Variants in EBF3 observed in about 807,000 individuals in gnomAD.
The protein encoded by EBF3 is transcription factor COE3.
EBF3 carries 18 observed loss-of-function variants against 77.1 expected under a neutral mutation model. The ratio of observed to expected loss-of-function variants is 0.23; its 90% CI spans 0.16 to 0.35. EBF3 has a LOEUF of 0.35. EBF3 is among the 10% of genes least tolerant of loss of function. The probability of loss-of-function intolerance (pLI) is 1.00; values close to 1 mark genes in which losing one functional copy is unlikely to be tolerated. For missense variants in EBF3, 558 were observed against 860.0 expected (o/e 0.65, Z 4.39); for synonymous variants, 350 against 343.5 (o/e 1.02, Z -0.21).
Position 129,930,329 on chromosome 10 carries a change from A to G in EBF3, c.554+26929T>C, listed in dbSNP as rs138905489. ...TAACAAATCCCCCTCTCATATATCT[A>G]TATCTATATCTGTCTATATCTATCT... On this transcript the variant is annotated intron_variant, in intron 6 of 16. Coordinates refer to ENST00000440978, the MANE Select transcript of EBF3 (RefSeq NM_001375380.1). Among the ~76,000 whole-genome samples the G allele has an allele frequency of 7.9e-3, 1,200 of 151,616 alleles. 56 individuals are homozygous for G. In the South Asian group the frequency reaches 0.12, roughly 15 times the overall value.
chr10:129,900,240 A>G (rs530635271), intron 6 of EBF3, among the ~76,000 whole-genome samples: 15 of 152,228 alleles, frequency 9.9e-5, no homozygotes, highest in Non-Finnish European at 1.8e-4. Flanking sequence ...CCATCCAAAC[A>G]GTGTCAGATG....
chr10:129,846,849 C>G (rs1488914438), intron 11 of EBF3, among the ~76,000 whole-genome samples: 1 of 151,454 alleles, frequency 6.6e-6, no homozygotes, highest in African/African-American at 2.4e-5. Context: ...TGTGGGCTAA[C>G]TGATCTGTCA....
rs974071461 is a variant in EBF3 at position 129,943,895 on chromosome 10, G to A, written c.554+13363C>T. ...GGCGCTGGCCTTCGGCGCAGACCCAGCTGAAACCGTAAAATGCTCGGTAAA... is the reference window on the plus strand; with the variant it reads ...GGCGCTGGCCTTCGGCGCAGACCCAACTGAAACCGTAAAATGCTCGGTAAA... On this transcript the variant is annotated intron_variant, in intron 6 of 16. Transcript: ENST00000440978. This position sits in a 1 kb window ranked among gnomAD's most constrained non-coding sequence, Gnocchi z 8.8. Among the ~76,000 whole-genome samples the A allele has an allele frequency of 1.3e-5, 2 of 152,220 alleles. No individual in the cohort carries two copies. Among genetic ancestry groups the A allele is most frequent in the African/African-American group, 4.8e-5 (2 of 41,452 alleles).
At chr10:129,894,820 G>A (rs1253616632) in intron 6 of EBF3, among the ~76,000 whole-genome samples, 1 of 152,200 alleles carries the variant, frequency 6.6e-6, no homozygotes, top group Admixed American at 6.5e-5. Flanking sequence ...GTAGGTAAAA[G>A]GCATCAAGAT....
At chr10:129,887,162 T>C (rs1334012) in intron 6 of EBF3, among the ~76,000 whole-genome samples, 77,701 of 150,716 alleles carry the variant, frequency 0.52, 21,513 homozygotes, top group African/African-American at 0.75. Flanking sequence ...CCCTCAGCCC[T>C]GGGCCTGCAA....
intron 11 of EBF3, chr10:129,845,437 TTTA>T (rs769365556): frequency 6.6e-6 from 1 of 152,232 alleles, no homozygotes; most frequent in African/African-American, 2.4e-5. Context: ...AATGTACAGT[TTTA>T]TTATTATGAG....
rs1372932645 is a variant in EBF3 at position 129,879,156 on chromosome 10, G to A, written c.555-1307C>T. Reference sequence around the variant, plus strand: ...TGAACTCAAAGAACCTGGGAAGCCAGGCTCTACCACTACCCACAGGAAAAG... The same window carrying A: ...TGAACTCAAAGAACCTGGGAAGCCAAGCTCTACCACTACCCACAGGAAAAG... On this transcript the variant is annotated intron_variant, in intron 6 of 16. Coordinates refer to ENST00000440978, the MANE Select transcript of EBF3 (RefSeq NM_001375380.1). This position sits in a 1 kb window ranked among gnomAD's most constrained non-coding sequence, Gnocchi z 4.7. Among the ~76,000 whole-genome samples, 1 of 152,112 alleles carries A rather than the reference G, an allele frequency of 6.6e-6. No homozygotes were observed. Among genetic ancestry groups the A allele is most frequent in the East Asian group, 1.9e-4 (1 of 5,182 alleles).
intron 6 of EBF3, among the ~76,000 whole-genome samples, chr10:129,899,039 G>A (rs545325570): frequency 1.3e-5 from 2 of 152,046 alleles, no homozygotes; most frequent in East Asian, 1.9e-4. Context: ...ACATGTGTGC[G>A]CCGGCTCCCG....
chr10:129,963,451 G>C lies in EBF3; in HGVS notation c.207C>G (p.His69Gln). The C allele has an allele frequency of 6.3e-7, 1 of 1,590,980 alleles. No individual in the cohort carries two copies. Among genetic ancestry groups the C allele is most frequent in the Non-Finnish European group, 8.6e-7 (1 of 1,168,774 alleles). The change falls in exon 2 of 17, where the codon CAC becomes CAG. Residue 69 changes from histidine (H) to glutamine (Q), a missense_variant. Physicochemically the swap from His to Gln is conservative, Grantham distance 24. This residue lies in a region of EBF3 where 84 missense variants were observed against 142.3 expected (regional missense o/e 0.59). Transcript: ENST00000440978. This position sits in a 1 kb window ranked among gnomAD's most constrained non-coding sequence, Gnocchi z 7.1. ...GCCTATCGTAGAGCGCCAGCACGAA[G>C]TGGAAGAAATTGGATTTCCGGAGGT... ...PSNLRKSNFF[H>Q]FVLALYDRQG...
Position 129,854,535 on chromosome 10 carries a change from G to A in EBF3, c.1040-6055C>T, listed in dbSNP as rs553434698. ...AAAAAATCTGCCTTCCTGATACGACGTGTAATACCCCGCTTCTTAAGAGCA... is the reference window on the plus strand; with the variant it reads ...AAAAAATCTGCCTTCCTGATACGACATGTAATACCCCGCTTCTTAAGAGCA... On this transcript the variant is annotated intron_variant, in intron 10 of 16. Coordinates refer to ENST00000440978, the MANE Select transcript of EBF3 (RefSeq NM_001375380.1). Among the ~76,000 whole-genome samples, 9 of 152,232 alleles carry A rather than the reference G, an allele frequency of 5.9e-5. No homozygotes were observed. In the South Asian group the frequency reaches 1.7e-3, roughly 28 times the overall value.
intron 10 of EBF3, among the ~76,000 whole-genome samples, chr10:129,860,115 T>C (rs1851515254): frequency 6.6e-6 from 1 of 152,098 alleles, no homozygotes; most frequent in Non-Finnish European, 1.5e-5. Flanking sequence ...ACTTATTTTG[T>C]TCTAAATGGT....
intron 6 of EBF3, among the ~76,000 whole-genome samples, chr10:129,888,031 T>C (rs954061532): frequency 1.3e-5 from 2 of 152,176 alleles, no homozygotes; most frequent in African/African-American, 4.8e-5. Context: ...AAACTATTGA[T>C]AGGGTAAGCT....
chr10:129,930,047 C>T (rs763290560), intron 6 of EBF3, among the ~76,000 whole-genome samples: 16 of 152,116 alleles, frequency 1.1e-4, no homozygotes, highest in Non-Finnish European at 1.8e-4. Context: ...CTCTGTCTGC[C>T]GGAGCTGGGA....
chr10:129,886,571 T>A (rs1010771981), intron 6 of EBF3, among the ~76,000 whole-genome samples: 6 of 152,150 alleles, frequency 3.9e-5, no homozygotes, highest in African/African-American at 1.4e-4. Flanking sequence ...TAAACCCTGC[T>A]CGGCTCCCCA....
At chr10:129,875,187 C>CTTCTTCTTTTT (rs1852672323) in intron 7 of EBF3, among the ~76,000 whole-genome samples, 1 of 92,932 alleles carries the variant, frequency 1.1e-5, no homozygotes, top group African/African-American at 4.1e-5. Flanking sequence ...ATGGCTTCTT[C>CTTCTTCTTTTT]TTTTTTTTTT....
rs1418901358 is a variant in EBF3 at position 129,962,224 on chromosome 10, C to T, written c.358G>A (p.Val120Ile). 1.2e-6 allele frequency: 2 copies of T among 1,613,974 alleles called. No homozygotes were observed. Among genetic ancestry groups the T allele is most frequent in the African/African-American group, 1.3e-5 (1 of 74,924 alleles). Residue 120 changes from valine (V) to isoleucine (I), a missense_variant and splice_region_variant, in exon 4 of 17, where the codon GTC (valine) becomes ATC (isoleucine). Val to Ile is a conservative substitution (Grantham distance 29). Around this residue, in one of 5 missense-constraint regions of EBF3, gnomAD observed 84 missense variants for 142.3 expected, o/e 0.59. Transcript: ENST00000440978. ...ACATACAGATCTTGCTCTGTTCTGA[C>T]TCCTGCAAAAAAACAGAGACAAATT... ...YKLQLLYSNG[V>I]RTEQDLYVRL... is the part of the protein sequence containing the mutation.
At chr10:129,901,958 T>C (rs1409481237) in intron 6 of EBF3, among the ~76,000 whole-genome samples, 1 of 152,190 alleles carries the variant, frequency 6.6e-6, no homozygotes, top group African/African-American at 2.4e-5. Context: ...CATTCCCAAA[T>C]TGTCTTTACA....
rs1222421102 is a variant in EBF3, at chr10:129,963,610, G to T, written c.134+25C>A. 3.1e-6 allele frequency: 4 copies of T among 1,311,164 alleles called. No individual in the cohort carries two copies. Among genetic ancestry groups the T allele is most frequent in the Non-Finnish European group, 3.9e-6 (4 of 1,014,402 alleles). The allele number at this position is 1,311,164 out of a possible 1,614,324, so 81.2% of individuals were successfully genotyped here. On this transcript the variant is annotated intron_variant, in intron 1 of 16. Transcript: ENST00000440978. The surrounding 1 kb of genome is among the most constrained non-coding windows in gnomAD (Gnocchi z 7.1). ...GGGCCGGGCCGGGGCCGGGGCCAGGGCGCGCGGGGGCGGCCGGTACGTACC... is the reference window on the plus strand; with the variant it reads ...GGGCCGGGCCGGGGCCGGGGCCAGGTCGCGCGGGGGCGGCCGGTACGTACC...
At chr10:129,882,623 G>A (rs914095820) in intron 6 of EBF3, among the ~76,000 whole-genome samples, 1 of 152,228 alleles carries the variant, frequency 6.6e-6, no homozygotes, top group Non-Finnish European at 1.5e-5. Context: ...CCTGTAAAGG[G>A]GGCCTCTGTG....
Sources: gnomAD v4.1 joint callset for allele counts (sites outside exome capture counted in the v4.1 genomes callset) on GRCh38, gnomAD v4.1.1 for gene constraint, gnomAD v4.1.1 regional missense constraint, Gnocchi (gnomAD v3.1) non-coding constraint, MANE v1.5 for transcripts, NCBI Gene and HGNC (gene_info 2026-07-23, HGNC 2026-07-21) for gene names.